Variants in CERS6 observed in about 807,000 individuals in gnomAD.
CERS6 encodes LAG1 homolog, ceramide synthase 6.
A neutral mutation model predicts 56.8 loss-of-function variants in CERS6; 26 were observed. That is an observed-to-expected ratio of 0.46 (90% CI 0.34 to 0.63). The LOEUF is 0.63. Among genes scored for constraint, CERS6 ranks in the 30% least tolerant of loss-of-function variants. The pLI, the probability that CERS6 is intolerant of heterozygous loss-of-function variation, is 0.01. For missense variants in CERS6, 415 were observed against 467.5 expected (o/e 0.89, Z 1.04); for synonymous variants, 164 against 173.3 (o/e 0.95, Z 0.42).
At chr2:168,670,534 T>C (rs1456608393) in intron 4 of CERS6, among the ~76,000 whole-genome samples, 1 of 152,246 alleles carries the variant, frequency 6.6e-6, no homozygotes, top group Non-Finnish European at 1.5e-5. Context: ...GTTTACCTTT[T>C]GTCTTCTCTT....
chr2:168,628,733 G>A (rs188619125), intron 3 of CERS6, among the ~76,000 whole-genome samples: 1 of 152,154 alleles, frequency 6.6e-6, no homozygotes, highest in South Asian at 2.1e-4. Flanking sequence ...TGGAGACAGG[G>A]TGATATGCAG....
intron 6 of CERS6, 100 bp downstream of exon 6, chr2:168,695,151 G>A (rs1686613742): frequency 2.4e-6 from 2 of 837,106 alleles, no homozygotes; most frequent in Admixed American, 2.0e-5. Flanking sequence ...CTGTTCTCCT[G>A]GCAGCCCTAG....
chr2:168,652,872 T>A (rs1211926423), intron 4 of CERS6, among the ~76,000 whole-genome samples: 1 of 152,224 alleles, frequency 6.6e-6, no homozygotes, highest in Non-Finnish European at 1.5e-5. Flanking sequence ...TCAGTTTCAT[T>A]CCTTGTAAAA....
At chr2:168,500,837 G>T (rs1033328998) in intron 1 of CERS6, among the ~76,000 whole-genome samples, 1 of 152,242 alleles carries the variant, frequency 6.6e-6, no homozygotes, top group African/African-American at 2.4e-5. Context: ...GACAGTGTGT[G>T]TGTTGGAGGG....
intron 1 of CERS6, among the ~76,000 whole-genome samples, chr2:168,485,818 T>G (rs962445540): frequency 6.6e-6 from 1 of 152,192 alleles, no homozygotes; most frequent in African/African-American, 2.4e-5. Flanking sequence ...GTGTGTAGGT[T>G]TTTGTGAACA....
chr2:168,620,225 C>T lies in CERS6; in HGVS notation c.408-10760C>T, dbSNP rs538071216. Among the ~76,000 whole-genome samples the T allele has an allele frequency of 4.0e-4, 61 of 151,960 alleles. 2 individuals carry two copies. The highest frequency in any genetic ancestry group is 6.8e-3 in the Middle Eastern group (2 of 294). On this transcript the variant is annotated intron_variant, in intron 3 of 9. Coordinates refer to ENST00000305747, the MANE Select transcript of CERS6 (RefSeq NM_203463.3). Reference sequence around the variant, plus strand: ...TTCTAACTTATAAGTGGAAGCTATGCGGATGCAAAGGCATAAGAATGACAC... The same window carrying T: ...TTCTAACTTATAAGTGGAAGCTATGTGGATGCAAAGGCATAAGAATGACAC...
At chr2:168,472,254 T>C (rs1409467137) in intron 1 of CERS6, among the ~76,000 whole-genome samples, 1 of 152,250 alleles carries the variant, frequency 6.6e-6, no homozygotes, top group Non-Finnish European at 1.5e-5. Flanking sequence ...TATACCTTCT[T>C]GTACAGCTCA....
intron 3 of CERS6, among the ~76,000 whole-genome samples, chr2:168,607,600 T>G (rs1684082862): frequency 6.6e-6 from 1 of 152,166 alleles, no homozygotes; most frequent in Non-Finnish European, 1.5e-5. Flanking sequence ...CAGGATGATC[T>G]CGATCTCCTG....
intron 4 of CERS6, among the ~76,000 whole-genome samples, chr2:168,656,424 G>T (rs907774658): frequency 1.1e-4 from 16 of 152,016 alleles, no homozygotes; most frequent in Non-Finnish European, 2.1e-4. Flanking sequence ...AGCTCTTAAG[G>T]TGGCGCGTCT....
At chr2:168,642,843 G>A (rs538963516) in intron 4 of CERS6, among the ~76,000 whole-genome samples, 16 of 152,290 alleles carry the variant, frequency 1.1e-4, no homozygotes, top group African/African-American at 3.8e-4. Context: ...CATAAGAAAT[G>A]TATTCTGTTT....
chr2:168,678,064 G>T (rs185882406), intron 4 of CERS6, among the ~76,000 whole-genome samples: 78 of 152,312 alleles, frequency 5.1e-4, no homozygotes, highest in Middle Eastern at 3.4e-3. Context: ...GAGAGGATGT[G>T]GAGAAATAGG....
At chr2:168,734,558 A>G (rs924955768) in intron 8 of CERS6, among the ~76,000 whole-genome samples, 1 of 152,232 alleles carries the variant, frequency 6.6e-6, no homozygotes, top group Non-Finnish European at 1.5e-5. Flanking sequence ...ACACGCACAC[A>G]CACACATGCA....
chr2:168,744,195 CG>C (rs1419517334), intron 8 of CERS6, among the ~76,000 whole-genome samples: 1 of 151,506 alleles, frequency 6.6e-6, no homozygotes, highest in African/African-American at 2.4e-5. Context: ...TTAGTAGAGA[CG>C]GGGTTTCACC....
At chr2:168,564,720 C>T (rs1695853521) in intron 3 of CERS6, among the ~76,000 whole-genome samples, 1 of 152,188 alleles carries the variant, frequency 6.6e-6, no homozygotes, top group African/African-American at 2.4e-5. Context: ...CACCATTCTT[C>T]AAATCCCAGG....
rs373987200 is a variant in CERS6 at position 168,544,397 on chromosome 2, C to T, written c.171-3199C>T. 2.9e-4 allele frequency among the ~76,000 whole-genome samples: 44 copies of T among 152,312 alleles called. 2 individuals are homozygous for T. In the South Asian group the frequency reaches 9.1e-3, roughly 32 times the overall value. On this transcript the variant is annotated intron_variant, in intron 1 of 9. Coordinates refer to ENST00000305747, the MANE Select transcript of CERS6 (RefSeq NM_203463.3). Reference sequence around the variant, plus strand: ...TCTGCAAAGTGGGGATAATGGTAATCCCGCTTCATCTGGTTGAGGGAGGAT... The same window carrying T: ...TCTGCAAAGTGGGGATAATGGTAATTCCGCTTCATCTGGTTGAGGGAGGAT...
At chr2:168,769,052 A>G (rs984958520) in intron 9 of CERS6, among the ~76,000 whole-genome samples, 2 of 149,702 alleles carry the variant, frequency 1.3e-5, no homozygotes, top group Non-Finnish European at 3.0e-5. Context: ...CCAAATAGGA[A>G]TTTTTTTTTT....
At chr2:168,533,986 G>C (rs1157326062) in intron 1 of CERS6, among the ~76,000 whole-genome samples, 3 of 151,980 alleles carry the variant, frequency 2.0e-5, no homozygotes, top group Non-Finnish European at 4.4e-5. Context: ...ACTCTGATAT[G>C]CTTTCTTCCG....
chr2:168,660,096 C>G (rs1401435008), intron 4 of CERS6, among the ~76,000 whole-genome samples: 1 of 152,170 alleles, frequency 6.6e-6, no homozygotes, highest in African/African-American at 2.4e-5. Flanking sequence ...TGAAAATTCT[C>G]TACATGTTTA....
At chr2:168,653,120 G>T (rs1166205825) in intron 4 of CERS6, among the ~76,000 whole-genome samples, 2 of 152,168 alleles carry the variant, frequency 1.3e-5, no homozygotes, top group African/African-American at 4.8e-5. Flanking sequence ...CAAAGTTTCT[G>T]TTGTTGTTTT....
Sources: allele counts gnomAD v4.1 joint callset (sites outside exome capture counted in the v4.1 genomes callset), GRCh38; gene constraint gnomAD v4.1.1; transcripts MANE v1.5; gene names NCBI Gene and HGNC (gene_info 2026-07-23, HGNC 2026-07-21).